The following AMBN variants were observed in gnomAD, a reference collection of about 807,000 sequenced individuals.
AMBN encodes enamel matrix protein.
In AMBN, 54 loss-of-function variants were observed where a neutral mutation model predicts 48.0. The ratio of observed to expected loss-of-function variants is 1.12; its 90% confidence interval spans 0.90 to 1.41. The LOEUF (loss-of-function observed/expected upper bound fraction) is 1.41. AMBN is among the 40% of genes most tolerant of loss of function. The pLI, the probability that AMBN is intolerant of heterozygous loss-of-function variation, is 0.00. For missense variants in AMBN, 571 were observed against 547.3 expected, an observed-to-expected ratio of 1.04 and a Z score of -0.43; for synonymous variants, 186 against 190.0, an observed-to-expected ratio of 0.98 and a Z score of 0.17.
intron 2 of AMBN, among the ~76,000 whole-genome samples, chr4:70,595,037 G>A (rs566380661): frequency 1.8e-4 from 27 of 152,146 alleles, no homozygotes; most frequent in African/African-American, 6.5e-4. Flanking sequence ...AAATAGTGGG[G>A]AAGAAGGTCC....
intron 12 of AMBN, among the ~76,000 whole-genome samples, chr4:70,605,972 T>C (rs1431631296): frequency 2.0e-5 from 3 of 148,494 alleles, no homozygotes; most frequent in Non-Finnish European, 4.5e-5. Flanking sequence ...ACGGAAATCA[T>C]GCCGAGATCC....
At chr4:70,605,111 TAGAGAGAAAGAGTC>T (rs1456848347) in intron 12 of AMBN, among the ~76,000 whole-genome samples, 1 of 151,974 alleles carries the variant, frequency 6.6e-6, no homozygotes, top group Admixed American at 6.6e-5. Flanking sequence ...ACAATTTTAT[TAGAGAGAAAGAGTC>T]AGAGAGGAAG....
chr4:70,592,899 G>T (rs1737304305), intron 1 of AMBN, among the ~76,000 whole-genome samples: 1 of 152,136 alleles, frequency 6.6e-6, no homozygotes, highest in Non-Finnish European at 1.5e-5. Context: ...AAATGACTTA[G>T]TTGCATTACA....
chr4:70,598,519 C>T, intron 4 of AMBN, 116 bp downstream of exon 4: 1 of 764,960 alleles, frequency 1.3e-6, no homozygotes, highest in Non-Finnish European at 1.9e-6. Flanking sequence ...ATTGGAAGAA[C>T]CAAGAAGTAA....
intron 12 of AMBN, among the ~76,000 whole-genome samples, chr4:70,605,826 C>G (rs554781199): frequency 6.6e-6 from 1 of 152,258 alleles, no homozygotes; most frequent in East Asian, 1.9e-4. Flanking sequence ...GATTCTCGCT[C>G]AACAAATGCA....
intron 1 of AMBN, 65 bp from the exon 2 acceptor site, chr4:70,593,262 T>C (rs376746114): frequency 1.1e-4 from 144 of 1,352,902 alleles, no homozygotes; most frequent in Non-Finnish European, 1.3e-4. Flanking sequence ...TTTTCAAAAA[T>C]TGTCTTTTAA....
rs202024421 is a variant in AMBN, at chr4:70,606,167, G to A, written c.799-18G>A. On this transcript the variant is annotated intron_variant, in intron 12 of 12. Transcript: ENST00000322937. Reference sequence around the variant, plus strand: ...AGCATGTGATGATGGCATCTTTGACGAATGTTTTTTTTTCCAGGGCGGGAG... The same window carrying A: ...AGCATGTGATGATGGCATCTTTGACAAATGTTTTTTTTTCCAGGGCGGGAG... The A allele has an allele frequency of 5.6e-5, 90 of 1,612,044 alleles. No homozygotes were observed. In the African/African-American group the frequency reaches 7.2e-4, roughly 13 times the overall value.
At position 70,601,456 on chromosome 4, in the gene AMBN, A is replaced by T. The variant is rs1410689980; in HGVS notation, c.333A>T (p.Pro111=). The T allele has an allele frequency of 6.2e-7, 1 of 1,614,036 alleles. No individual in the cohort carries two copies. The highest frequency in any genetic ancestry group is 8.5e-7 in the Non-Finnish European group (1 of 1,180,014). Residue 111 remains proline, a synonymous_variant, in exon 6 of 13, where the codon CCA becomes CCT. Transcript: ENST00000322937. ...YSLPVHPPPL[P]SQPSLKPQQP... Reference sequence around the variant, plus strand: ...TGCCTGTGCATCCCCCACCTCTCCCATCACAGCCATCCTTGAAGCCTCAAC... The same window carrying T: ...TGCCTGTGCATCCCCCACCTCTCCCTTCACAGCCATCCTTGAAGCCTCAAC...
At chr4:70,603,782 AG>A in intron 11 of AMBN, 94 bp from the exon 12 acceptor site, 4 of 1,326,900 alleles carry the variant, frequency 3.0e-6, no homozygotes, top group Non-Finnish European at 4.3e-6. Context: ...ATTAATATTA[AG>A]GTTTAAGTGA....
chr4:70,606,370 G>C lies in AMBN; in HGVS notation c.984G>C (p.Met328Ile), dbSNP rs142373684. The change falls in exon 13 of 13, where the codon ATG becomes ATC. Residue 328 changes from methionine to isoleucine, a missense_variant. Physicochemically the swap from Met to Ile is conservative, Grantham distance 10. Coordinates refer to ENST00000322937, the MANE Select transcript of AMBN (RefSeq NM_016519.6). ...AAGGAGGTGCACAAGGCTCCCCTATGCCGGAGGCCAACCCAGACAATCTAG... is the reference window on the plus strand; with the variant it reads ...AAGGAGGTGCACAAGGCTCCCCTATCCCGGAGGCCAACCCAGACAATCTAG... ...NEEGGAQGSP[M>I]PEANPDNLEN... The C allele has an allele frequency of 1.2e-6, 2 of 1,613,924 alleles. No homozygotes were observed. Among genetic ancestry groups the C allele is most frequent in the African/African-American group, 2.7e-5 (2 of 74,910 alleles).
rs147949755 is a variant in AMBN, at chr4:70,595,534, T to A, written c.85-1465T>A. 3.9e-4 allele frequency among the ~76,000 whole-genome samples: 60 copies of A among 152,264 alleles called. 1 individual carries two copies. In the East Asian group the frequency reaches 0.011, roughly 28 times the overall value. ...GAATTATTTAAAGAAATTCTCACTA[T>A]GACCCAGAAGGTGGGATTTTACTTA... On this transcript the variant is annotated intron_variant, in intron 2 of 12. Coordinates refer to ENST00000322937, the MANE Select transcript of AMBN (RefSeq NM_016519.6).
At position 70,601,834 on chromosome 4, in the gene AMBN, C is replaced by T. The variant is rs1737528331; in HGVS notation, c.531+180C>T. Reference sequence around the variant, plus strand: ...TTGAGTAAAACGTAAATATCCATTCCTATCTTTTGCCATCAGAGACAGGGC... The same window carrying T: ...TTGAGTAAAACGTAAATATCCATTCTTATCTTTTGCCATCAGAGACAGGGC... On this transcript the variant is annotated intron_variant, in intron 6 of 12. Coordinates refer to ENST00000322937, the MANE Select transcript of AMBN (RefSeq NM_016519.6). 5.6e-6 allele frequency: 4 copies of T among 720,486 alleles called. No homozygotes were observed. The South Asian group carries it at 6.1e-5, about 11-fold the overall frequency. 44.6% of individuals were successfully genotyped at this position (720,486 alleles called of 1,614,324 possible). A position where few individuals can be genotyped will look rare whatever the true frequency, so the allele number is the denominator to read the frequency against.
chr4:70,596,279 CA>C (rs36108778), intron 2 of AMBN, among the ~76,000 whole-genome samples: 38,941 of 117,104 alleles, frequency 0.33, 5,178 homozygotes, highest in Middle Eastern at 0.52. Flanking sequence ...AACTTAGTCT[CA>C]AAAAAAAAAA....
intron 1 of AMBN, among the ~76,000 whole-genome samples, chr4:70,592,831 A>T (rs542511852): frequency 1.3e-5 from 2 of 152,336 alleles, no homozygotes; most frequent in Admixed American, 1.3e-4. Context: ...ATGGTTACGT[A>T]GATTACCTAA....
At chr4:70,601,902 A>C (rs1560388307) in intron 6 of AMBN, 1 of 600,000 alleles carries the variant, frequency 1.7e-6, no homozygotes, top group Non-Finnish European at 3.1e-6. Flanking sequence ...TGGGTTTCTT[A>C]GTTGCGAAAG....
chr4:70,605,215 G>A (rs866183040), intron 12 of AMBN, among the ~76,000 whole-genome samples: 15 of 152,148 alleles, frequency 9.9e-5, no homozygotes, highest in African/African-American at 2.9e-4. Flanking sequence ...TGAAGAGTCA[G>A]GAGAAAGGAG....
At chr4:70,596,860 A>C (rs973732514) in intron 2 of AMBN, 139 bp from the exon 3 acceptor site, 4 of 567,308 alleles carry the variant, frequency 7.1e-6, no homozygotes, top group Non-Finnish European at 1.2e-5. Flanking sequence ...CTGCCCAAGC[A>C]CTCAAGTCAT....
intron 4 of AMBN, 33 bp downstream of exon 4, chr4:70,598,436 T>C: frequency 6.5e-7 from 1 of 1,531,722 alleles, no homozygotes; most frequent in South Asian, 1.2e-5. Context: ...GTATTCATGG[T>C]GGTGGTAGTG....
At position 70,606,458 on chromosome 4, in the gene AMBN, A is replaced by C; in HGVS notation, c.1072A>C (p.Lys358Gln). 6.2e-7 allele frequency: 1 copy of C among 1,613,886 alleles called. No homozygotes were observed. The highest frequency in any genetic ancestry group is 1.1e-5 in the South Asian group (1 of 91,070). The change falls in exon 13 of 13, where the codon AAG becomes CAG. Residue 358 changes from lysine to glutamine, a missense_variant. By Grantham distance (53) the Lys-to-Gln change is moderately conservative. Transcript: ENST00000322937. The stretch of plus-strand genomic sequence containing the variant: ...CCACGCAGGGCTCCTTGCTCTCCCT[A>C]AGGATGACATTCCCGGCCTGCCAAG... The part of the protein sequence containing the change: ...APHAGLLALP[K>Q]DDIPGLPRSP...
Sources: gnomAD v4.1 joint callset for allele counts (sites outside exome capture counted in the v4.1 genomes callset) on GRCh38, gnomAD v4.1.1 for gene constraint, MANE v1.5 for transcripts, NCBI Gene and HGNC (gene_info 2026-07-23, HGNC 2026-07-21) for gene names.